SEZ6: variants seen among roughly 807,000 people sequenced by gnomAD.
SEZ6 encodes the protein seizure related 6 homolog, also known as seizure protein 6 homolog.
SEZ6 carries 53 observed loss-of-function variants against 101.0 expected under a neutral mutation model. That is an observed-to-expected ratio of 0.52 (90% CI 0.42 to 0.66). The LOEUF is 0.66. Among genes scored for constraint, SEZ6 ranks in the 30% least tolerant of loss-of-function variants. SEZ6 has a pLI of 0.00. For synonymous variants in SEZ6, 488 were observed against 512.2 expected (o/e 0.95, Z 0.64); for missense variants, 1,102 against 1,289.4 (o/e 0.85, Z 2.23).
intron 1 of SEZ6, among the ~76,000 whole-genome samples, chr17:28,999,368 C>A (rs2041584500): frequency 6.6e-6 from 1 of 152,190 alleles, no homozygotes; most frequent in Admixed American, 6.5e-5. Flanking sequence ...CCCTGCTCAT[C>A]TCCTGGCAGA....
rs747604906 is a variant in SEZ6, at chr17:28,969,840, C to T, written c.971G>A (p.Arg324His). The change falls in exon 4 of 17, where the codon CGC becomes CAC. Residue 324 changes from arginine (R) to histidine (H), a missense_variant. Transcript: ENST00000317338. Reference sequence around the variant, plus strand: ...CAGGGCCGCTTGGTGGGTGGGGCTGCGGATGACTTGGCCCCGCAGCAGGAA... The same window carrying T: ...CAGGGCCGCTTGGTGGGTGGGGCTGTGGATGACTTGGCCCCGCAGCAGGAA... ...QSFLLRGQVI[R>H]SPTHQAALRF... 7.8e-6 allele frequency: 12 copies of T among 1,531,568 alleles called. No homozygotes were observed. The highest frequency in any genetic ancestry group is 7.4e-5 in the Admixed American group (3 of 40,498). 94.9% of individuals were successfully genotyped at this position (1,531,568 alleles called of 1,614,324 possible).
chr17:28,980,093 C>T (rs1332451156), intron 2 of SEZ6, among the ~76,000 whole-genome samples: 4 of 151,788 alleles, frequency 2.6e-5, no homozygotes, highest in African/African-American at 4.8e-5. Context: ...ATGATCCGCC[C>T]GCCTCAGCCT....
At chr17:28,982,095 C>G in intron 1 of SEZ6, 56 bp from the exon 2 acceptor site, 1 of 1,503,258 alleles carries the variant, frequency 6.7e-7, no homozygotes, top group South Asian at 1.3e-5. Flanking sequence ...AGCAGCATCA[C>G]GCCCAACTCG....
chr17:28,970,805 A>G (rs1189841823), intron 3 of SEZ6, among the ~76,000 whole-genome samples: 1 of 152,196 alleles, frequency 6.6e-6, no homozygotes, highest in African/African-American at 2.4e-5. Flanking sequence ...TGAGTCTGTG[A>G]AGCCGATAAT....
At chr17:28,990,827 A>G (rs186683374) in intron 1 of SEZ6, among the ~76,000 whole-genome samples, 226 of 152,238 alleles carry the variant, frequency 1.5e-3, no homozygotes, top group Middle Eastern at 3.4e-3. Flanking sequence ...AACCAAAAAA[A>G]CACCAAAACC....
chr17:28,981,658 G>A lies in SEZ6; in HGVS notation c.437C>T (p.Ser146Phe), dbSNP rs1389368874. The A allele has an allele frequency of 6.3e-7, 1 of 1,577,354 alleles. No individual in the cohort carries two copies. The highest frequency in any genetic ancestry group is 8.6e-7 in the Non-Finnish European group (1 of 1,157,856). ...KEGPWSPESE[S>F]PMLRITAPLP... ...GGGAGCTGTGATTCGAAGCATAGGG[G>A]ACTCTGACTCCGGACTCCAGGGTCC... The change falls in exon 2 of 17, where the codon TCC (serine) becomes TTC (phenylalanine). Residue 146 changes from serine (S) to phenylalanine (F), a missense_variant. Ser to Phe is a radical substitution (Grantham distance 155, BLOSUM62 -2). Transcript: ENST00000317338.
chr17:28,964,267 C>T (rs1456285874), intron 4 of SEZ6, 120 bp from the exon 5 acceptor site: 3 of 1,044,178 alleles, frequency 2.9e-6, no homozygotes, highest in Non-Finnish European at 4.1e-6. Flanking sequence ...CCAGAGGAAG[C>T]ACTAGGAGTT....
At chr17:28,958,429 C>A (rs769629051) in intron 10 of SEZ6, among the ~76,000 whole-genome samples, 7 of 152,210 alleles carry the variant, frequency 4.6e-5, no homozygotes, top group Non-Finnish European at 1.0e-4. Context: ...GGGAAATCGT[C>A]ACTTCTATGA....
chr17:28,996,299 C>A (rs984111092), intron 1 of SEZ6, among the ~76,000 whole-genome samples: 1 of 152,090 alleles, frequency 6.6e-6, no homozygotes, highest in African/African-American at 2.4e-5. Flanking sequence ...CCTCTCCCAT[C>A]GGCAGGCAGG....
rs2040865116 is a variant in SEZ6 at position 28,955,547 on chromosome 17, G to C, written c.*415C>G. 2.2e-6 allele frequency: 1 copy of C among 448,372 alleles called. No individual in the cohort carries two copies. Among genetic ancestry groups the C allele is most frequent in the Admixed American group, 2.4e-5 (1 of 42,248 alleles). The allele number at this position is 448,372 out of a possible 1,614,324, so 27.8% of individuals were successfully genotyped here. On this transcript the variant is annotated 3_prime_UTR_variant, in exon 17 of 17. Coordinates refer to ENST00000317338, the MANE Select transcript of SEZ6 (RefSeq NM_178860.5). Reference sequence around the variant, plus strand: ...GCGCTGTGAGGAGTACCCTGGTGCAGTTCCCACCATGGTCAAGTTAATCCT... The same window carrying C: ...GCGCTGTGAGGAGTACCCTGGTGCACTTCCCACCATGGTCAAGTTAATCCT...
In SEZ6 at chr17:28,981,510, C is replaced by G. The variant is rs917894162; in HGVS notation, c.585G>C (p.Trp195Cys). 2 of 1,609,600 alleles carry G rather than the reference C, an allele frequency of 1.2e-6. No homozygotes were observed. The highest frequency in any genetic ancestry group is 1.3e-5 in the African/African-American group (1 of 74,830). ...QEGPGDMGRPWVAEVVSQGAG... is the reference protein window; with the variant it reads ...QEGPGDMGRPCVAEVVSQGAG... ...CGCCCTGGGACACAACCTCTGCAAC[C>G]CACGGCCTTCCCATGTCTCCAGGAC... Residue 195 changes from tryptophan (W) to cysteine (C), a missense_variant, in exon 2 of 17, where the codon TGG becomes TGC. This residue lies in a region of SEZ6 where 406 missense variants were observed against 418.6 expected (regional missense o/e 0.97). Transcript: ENST00000317338.
rs2041676769 is a variant in SEZ6, at chr17:29,005,553, C to T, written c.55+262G>A. ...GGGGAGTGGGTGGCGTGATGAATTG[C>T]ATCAGAGAAATCCCATTAGATCTGG... On this transcript the variant is annotated intron_variant, in intron 1 of 16. Transcript: ENST00000317338. The surrounding 1 kb of genome is among the most constrained non-coding windows in gnomAD (Gnocchi z 4.8). Among the ~76,000 whole-genome samples the T allele has an allele frequency of 6.6e-6, 1 of 152,150 alleles. No individual in the cohort carries two copies. Among genetic ancestry groups the T allele is most frequent in the Non-Finnish European group, 1.5e-5 (1 of 68,014 alleles).
intron 1 of SEZ6, among the ~76,000 whole-genome samples, chr17:28,993,846 G>A (rs575437735): frequency 2.6e-5 from 4 of 152,370 alleles, no homozygotes; most frequent in East Asian, 1.9e-4. Context: ...TCCAGCACAC[G>A]TGTCCACTTT....
At position 29,005,977 on chromosome 17, in the gene SEZ6, G is replaced by A; in HGVS notation, c.-108C>T. ...CCGGGTCCGGCCGGGTAGAGGGAGC[G>A]GGGCCGCAGCCGTCACCGCCGCTGC... On this transcript the variant is annotated 5_prime_UTR_variant, in exon 1 of 17. Transcript: ENST00000317338. This position sits in a 1 kb window ranked among gnomAD's most constrained non-coding sequence, Gnocchi z 4.8. 5 of 986,202 alleles carry A rather than the reference G, an allele frequency of 5.1e-6. No homozygotes were observed. Among genetic ancestry groups the A allele is most frequent in the Non-Finnish European group, 6.5e-6 (5 of 765,306 alleles). The allele number at this position is 986,202 out of a possible 1,614,324, so 61.1% of individuals were successfully genotyped here. A position where few individuals can be genotyped will look rare whatever the true frequency, so the allele number is the denominator to read the frequency against.
rs989885061 is a variant in SEZ6, at chr17:28,959,641, TCTC to T, written c.1771+54_1771+56del. 16 of 1,536,900 alleles carry T rather than the reference TCTC, an allele frequency of 1.0e-5. No homozygotes were observed. Among genetic ancestry groups the T allele is most frequent in the African/African-American group, 5.5e-5 (4 of 72,932 alleles). On this transcript the variant is annotated intron_variant, in intron 8 of 16. Transcript: ENST00000317338. The surrounding 1 kb of genome is among the most constrained non-coding windows in gnomAD (Gnocchi z 4.4). ...CTGTGGCCCCGGGCTCTGCTGCTAT[TCTC>T]CTGGTATGACCCTGCCTTTTGCCCG...
chr17:28,971,668 G>A (rs1301080889), intron 3 of SEZ6, among the ~76,000 whole-genome samples: 3 of 152,104 alleles, frequency 2.0e-5, no homozygotes, highest in Non-Finnish European at 1.5e-5. Flanking sequence ...AGATCCTCGG[G>A]CAACTCAAAA....
chr17:28,987,138 A>G (rs1303523787), intron 1 of SEZ6, among the ~76,000 whole-genome samples: 1 of 152,252 alleles, frequency 6.6e-6, no homozygotes, highest in Non-Finnish European at 1.5e-5. Flanking sequence ...AAGCTGGCCC[A>G]GCACGGGGAC....
chr17:28,979,879 C>CAGTGTG, intron 2 of SEZ6, 66 bp from the exon 3 acceptor site: 1 of 1,216,748 alleles, frequency 8.2e-7, no homozygotes, highest in East Asian at 2.9e-5. Flanking sequence ...TAAGGCTGAA[C>CAGTGTG]CGTGTGTGTG....
chr17:28,956,361 G>T lies in SEZ6; in HGVS notation c.2838C>A (p.Phe946Leu), dbSNP rs1304695201. 3 of 1,573,328 alleles carry T rather than the reference G, an allele frequency of 1.9e-6. No homozygotes were observed. In the Admixed American group the frequency reaches 5.6e-5, roughly 30 times the overall value. ...GAAGCCAGACTCACCTGGAGAAGTAGAAGTATACACCTCCTACCAACAACA... is the reference window on the plus strand; with the variant it reads ...GAAGCCAGACTCACCTGGAGAAGTATAAGTATACACCTCCTACCAACAACA... ...AMVLLVGGVYFYFSRLQGKSS... is the reference protein window; with the variant it reads ...AMVLLVGGVYLYFSRLQGKSS... The change falls in exon 15 of 17, where the codon TTC becomes TTA. Residue 946 changes from phenylalanine (F) to leucine (L), a missense_variant. Physicochemically the swap from Phe to Leu is conservative, Grantham distance 22. This residue lies in a region of SEZ6 where 140 missense variants were observed against 135.7 expected (regional missense o/e 1.03). Transcript: ENST00000317338.
Sources: allele counts gnomAD v4.1 joint callset (sites outside exome capture counted in the v4.1 genomes callset), GRCh38; gene constraint gnomAD v4.1.1; regional missense constraint gnomAD v4.1.1; non-coding constraint Gnocchi (gnomAD v3.1); transcripts MANE v1.5; gene names NCBI Gene and HGNC (gene_info 2026-07-23, HGNC 2026-07-21).